Variants in HMGB1 observed in about 807,000 individuals in gnomAD.
The protein encoded by HMGB1 is high mobility group box 1, also known as high mobility group protein B1.
For missense variants in HMGB1, 79 were observed against 253.5 expected (o/e 0.31, Z 4.67); for synonymous variants, 81 against 84.0 (o/e 0.96, Z 0.19).
intron 1 of HMGB1, among the ~76,000 whole-genome samples, chr13:30,522,609 G>A (rs1250613410): frequency 6.6e-6 from 1 of 152,184 alleles, no homozygotes; most frequent in East Asian, 1.9e-4. Context: ...ATGGCTACTG[G>A]CATCTGCAAG....
chr13:30,459,225 C>T lies in HMGB1; in HGVS notation c.*2132G>A, dbSNP rs1380211801. ...ATTTACTTGAGTTTTAGACATCCAA[C>T]TTCTAGGGGATACTGTTAGAACACC... On this transcript the variant is annotated 3_prime_UTR_variant, in exon 5 of 5. Transcript: ENST00000341423. The T allele has an allele frequency of 6.6e-6, 1 of 152,174 alleles. No homozygotes were observed. Among genetic ancestry groups the T allele is most frequent in the Admixed American group, 6.5e-5 (1 of 15,282 alleles). 9.4% of individuals were successfully genotyped at this position (152,174 alleles called of 1,614,324 possible).
chr13:30,505,044 C>T (rs1007024299), intron 1 of HMGB1, among the ~76,000 whole-genome samples: 77 of 151,284 alleles, frequency 5.1e-4, no homozygotes, highest in Non-Finnish European at 7.4e-5. Context: ...GATCTCGGCT[C>T]ACTGCAACCT....
rs1277420887 is a variant in HMGB1, at chr13:30,457,567, T to TAA, written c.*3788_*3789dup. Reference sequence around the variant, plus strand: ...ATGTAATCTCTCATGTCAAAATAAGTAAAAATTCCACTAATTAGAAGGTCC... The same window carrying TAA: ...ATGTAATCTCTCATGTCAAAATAAGTAAAAAAATTCCACTAATTAGAAGGTCC... On this transcript the variant is annotated 3_prime_UTR_variant, in exon 5 of 5. Coordinates refer to ENST00000341423, the MANE Select transcript of HMGB1 (RefSeq NM_002128.7). 6.6e-6 allele frequency: 1 copy of TAA among 152,100 alleles called. No homozygotes were observed. The highest frequency in any genetic ancestry group is 1.5e-5 in the Non-Finnish European group (1 of 68,006). 9.4% of individuals were successfully genotyped at this position (152,100 alleles called of 1,614,324 possible).
At chr13:30,487,275 G>A (rs973257229) in intron 1 of HMGB1, among the ~76,000 whole-genome samples, 1 of 152,216 alleles carries the variant, frequency 6.6e-6, no homozygotes, top group Non-Finnish European at 1.5e-5. Context: ...TGCCAGGCCT[G>A]AGCACTGCAC....
intron 1 of HMGB1, among the ~76,000 whole-genome samples, chr13:30,536,189 CAATT>C (rs1011310721): frequency 6.6e-6 from 1 of 152,066 alleles, no homozygotes; most frequent in African/African-American, 2.4e-5. Flanking sequence ...GCAGATTAAC[CAATT>C]ATTTTTCTCC....
chr13:30,588,787 C>T (rs1419108266), intron 1 of HMGB1, among the ~76,000 whole-genome samples: 1 of 151,770 alleles, frequency 6.6e-6, no homozygotes. Context: ...AATGATGGCT[C>T]GTGCCTGTAG....
intron 1 of HMGB1, chr13:30,553,960 T>C: frequency 6.8e-7 from 1 of 1,480,404 alleles, no homozygotes; most frequent in Admixed American, 1.7e-5. Flanking sequence ...TGCTGCCATT[T>C]CTGGCTTACG....
At chr13:30,589,905 C>G (rs1871301373) in intron 1 of HMGB1, among the ~76,000 whole-genome samples, 1 of 151,814 alleles carries the variant, frequency 6.6e-6, no homozygotes, top group Non-Finnish European at 1.5e-5. Context: ...GGCTAGAACC[C>G]TGAAATTGGG....
chr13:30,555,041 T>TG (rs1555240549), intron 1 of HMGB1, among the ~76,000 whole-genome samples: 3 of 134,908 alleles, frequency 2.2e-5, no homozygotes, highest in Admixed American at 7.5e-5. Context: ...GTGTTTTTTT[T>TG]TTTTTTTTTT....
chr13:30,596,172 T>C (rs1357981923), intron 1 of HMGB1, among the ~76,000 whole-genome samples: 1 of 152,202 alleles, frequency 6.6e-6, no homozygotes, highest in Admixed American at 6.5e-5. Context: ...GTAATTGTAA[T>C]ACAAAATACG....
chr13:30,462,951 A>G (rs1281301216), intron 3 of HMGB1, among the ~76,000 whole-genome samples: 2 of 152,236 alleles, frequency 1.3e-5, no homozygotes, highest in Non-Finnish European at 2.9e-5. Flanking sequence ...TCAAAGGGAT[A>G]GTATTTTTCA....
intron 1 of HMGB1, among the ~76,000 whole-genome samples, chr13:30,574,506 A>T (rs73167354): frequency 1.3e-5 from 2 of 152,190 alleles, no homozygotes; most frequent in African/African-American, 4.8e-5. Context: ...TTTCTTCTCA[A>T]TGTTTACTTT....
chr13:30,564,170 T>C (rs1870082859), intron 1 of HMGB1, among the ~76,000 whole-genome samples: 1 of 151,288 alleles, frequency 6.6e-6, no homozygotes, highest in Non-Finnish European at 1.5e-5. Flanking sequence ...CAGTGGCTCA[T>C]GCCTGTAATC....
At chr13:30,482,146 C>G (rs1887244973) in intron 1 of HMGB1, among the ~76,000 whole-genome samples, 1 of 152,206 alleles carries the variant, frequency 6.6e-6, no homozygotes, top group Non-Finnish European at 1.5e-5. Context: ...GTTAATATTT[C>G]TCTTGGAGAA....
intron 1 of HMGB1, among the ~76,000 whole-genome samples, chr13:30,474,166 A>G (rs1887012952): frequency 1.3e-5 from 2 of 152,252 alleles, no homozygotes; most frequent in South Asian, 4.1e-4. Context: ...TGAATTGTAC[A>G]CTGTAAGTGG....
intron 1 of HMGB1, among the ~76,000 whole-genome samples, chr13:30,588,414 C>A (rs1032157598): frequency 3.3e-5 from 5 of 151,920 alleles, no homozygotes; most frequent in Non-Finnish European, 5.9e-5. Context: ...AGTTCCTGAT[C>A]GGGGATACAA....
At chr13:30,605,877 T>C (rs1450286467) in intron 1 of HMGB1, among the ~76,000 whole-genome samples, 1 of 152,216 alleles carries the variant, frequency 6.6e-6, no homozygotes, top group Non-Finnish European at 1.5e-5. Context: ...CTGTGTATTG[T>C]TTGAGGATAA....
intron 1 of HMGB1, among the ~76,000 whole-genome samples, chr13:30,613,944 G>C (rs1048489703): frequency 6.6e-6 from 1 of 150,980 alleles, no homozygotes; most frequent in African/African-American, 2.4e-5. Context: ...ATGAAATAAT[G>C]GTACATTATA....
chr13:30,555,307 C>G (rs1869640360), intron 1 of HMGB1, among the ~76,000 whole-genome samples: 1 of 152,082 alleles, frequency 6.6e-6, no homozygotes. Flanking sequence ...TCCCAAAATG[C>G]TGGGATTACA....
Sources: gnomAD v4.1 joint callset for allele counts (sites outside exome capture counted in the v4.1 genomes callset) on GRCh38, gnomAD v4.1.1 for gene constraint, MANE v1.5 for transcripts, NCBI Gene and HGNC (gene_info 2026-07-23, HGNC 2026-07-21) for gene names.